The following DRAM2 variants were observed in gnomAD, a reference collection of about 807,000 sequenced individuals.
DRAM2 encodes DNA damage-regulated autophagy modulator protein 2.
A neutral mutation model predicts 33.5 loss-of-function variants in DRAM2; 26 were observed. That is an observed-to-expected ratio of 0.78 (90% CI 0.57 to 1.08). DRAM2 has a LOEUF of 1.08. DRAM2 is among the 50% of genes least tolerant of loss of function. The pLI is 0.00. For missense variants in DRAM2, 311 were observed against 318.1 expected, an observed-to-expected ratio of 0.98 and a Z score of 0.17; for synonymous variants, 98 against 109.5, an observed-to-expected ratio of 0.89 and a Z score of 0.66.
chr1:111,139,099 A>T (rs1653931999), intron 2 of DRAM2: 1 of 152,368 alleles, frequency 6.6e-6, no homozygotes, highest in Admixed American at 6.5e-5. Context: ...CCTGACAAAC[A>T]TAATATTCTC....
At chr1:111,138,507 C>G (rs894441317) in intron 2 of DRAM2, among the ~76,000 whole-genome samples, 8 of 152,156 alleles carry the variant, frequency 5.3e-5, no homozygotes, top group Non-Finnish European at 8.8e-5. Flanking sequence ...TCTTGCAGGC[C>G]GGGGGCGGTG....
At chr1:111,129,067 C>A (rs1651577502) in intron 4 of DRAM2, among the ~76,000 whole-genome samples, 1 of 152,124 alleles carries the variant, frequency 6.6e-6, no homozygotes, top group Non-Finnish European at 1.5e-5. Flanking sequence ...TTGTTTATAT[C>A]TTTTGTGCCA....
intron 6 of DRAM2, among the ~76,000 whole-genome samples, chr1:111,123,200 C>G (rs1650357425): frequency 6.6e-6 from 1 of 152,148 alleles, no homozygotes; most frequent in Non-Finnish European, 1.5e-5. Flanking sequence ...GTTGTCCACC[C>G]AAATTGTTGT....
At chr1:111,120,219 G>T (rs1472497890) in intron 7 of DRAM2, among the ~76,000 whole-genome samples, 1 of 151,464 alleles carries the variant, frequency 6.6e-6, no homozygotes, top group Admixed American at 6.6e-5. Flanking sequence ...ACTAGATAAT[G>T]GTTCTCAGAA....
At chr1:111,131,618 A>C in intron 3 of DRAM2, 50 bp from the exon 4 acceptor site, 9 of 1,591,596 alleles carry the variant, frequency 5.7e-6, no homozygotes, top group Non-Finnish European at 6.9e-6. Context: ...GAGTTTCCTC[A>C]TCCTACTTTA....
At chr1:111,138,721 T>C (rs1419849761) in intron 2 of DRAM2, among the ~76,000 whole-genome samples, 3 of 152,026 alleles carry the variant, frequency 2.0e-5, no homozygotes, top group Non-Finnish European at 2.9e-5. Context: ...GAGGCGGAGG[T>C]TGCAGAGAGC....
chr1:111,130,854 G>GA (rs1651936237), intron 4 of DRAM2, among the ~76,000 whole-genome samples: 1 of 140,268 alleles, frequency 7.1e-6, no homozygotes, highest in Admixed American at 7.1e-5. Context: ...AAAAAAAAAA[G>GA]AAATCAGCTG....
In DRAM2 at chr1:111,118,865, T is replaced by G; in HGVS notation, c.633A>C (p.Ala211=). 1 of 1,610,364 alleles carries G rather than the reference T, an allele frequency of 6.2e-7. No homozygotes were observed. The highest frequency in any genetic ancestry group is 8.5e-7 in the Non-Finnish European group (1 of 1,177,818). ...AGAAGGAAAATGACATAGACCATTC[T>G]GCTGCAGTAGTGATCATGTGAAGCA... ...GYVLHMITTA[A]EWSMSFSFFG... The change falls in exon 9 of 10, where the codon GCA becomes GCC. Residue 211 remains alanine, a synonymous_variant. Coordinates refer to ENST00000484310, the MANE Select transcript of DRAM2 (RefSeq NM_001349884.2).
chr1:111,118,929 G>A (rs1649452274), intron 8 of DRAM2, 32 bp from the exon 9 acceptor site: 7 of 1,479,092 alleles, frequency 4.7e-6, no homozygotes, highest in Non-Finnish European at 6.5e-6. Flanking sequence ...ATAGTTTTGT[G>A]AAATTTCATT....
At position 111,126,285 on chromosome 1, in the gene DRAM2, AC is replaced by A. The variant is rs746559651; in HGVS notation, c.140del (p.Gly47ValfsTer3). 6 of 1,607,270 alleles carry A rather than the reference AC, an allele frequency of 3.7e-6. No individual in the cohort carries two copies. The South Asian group carries it at 6.6e-5, about 18-fold the overall frequency. ...ATAAGCATTTTTCTGGAGCTACTGTACCAGTGTCACTGAAAGAAAAAAAGGA... is the reference window on the plus strand; with the variant it reads ...ATAAGCATTTTTCTGGAGCTACTGTACAGTGTCACTGAAAGAAAAAAAGGA... ...DPALPYISDT[G>X]TVAPEKCLFG... On this transcript the variant is annotated frameshift_variant, in exon 5 of 10. Coordinates refer to ENST00000484310, the MANE Select transcript of DRAM2 (RefSeq NM_001349884.2). LOFTEE classifies it high-confidence loss of function.
rs1186253401 is a variant in DRAM2 at position 111,118,168 on chromosome 1, C to G, written c.793G>C (p.Asp265His). ...NNERTRLLSRDI is the reference protein window; with the variant it reads ...NNERTRLLSRHI ...AATATTTTATCCTTTCATCAAATAT[C>G]TCTGGAAAGTAGCCGTGTTCGTTCA... Residue 265 changes from aspartate to histidine, a missense_variant, in exon 10 of 10, where the codon GAT (aspartate) becomes CAT (histidine). Physicochemically the swap from Asp to His is moderately conservative, Grantham distance 81. Transcript: ENST00000484310. 1 of 1,610,864 alleles carries G rather than the reference C, an allele frequency of 6.2e-7. No individual in the cohort carries two copies. The highest frequency in any genetic ancestry group is 1.7e-5 in the Admixed American group (1 of 59,962).
intron 2 of DRAM2, chr1:111,139,269 G>T (rs183703398): frequency 6.6e-6 from 1 of 152,318 alleles, no homozygotes; most frequent in Non-Finnish European, 1.5e-5. Flanking sequence ...GAACTGGAAA[G>T]ATTATTTCTA....
rs1649118165 is a variant in DRAM2, at chr1:111,117,323, G to A, written c.*837C>T. ...CTTGCCATAAATGAAAATCTAAGAAGCTCTTGAGTATGGTTATGACTTTTA... is the reference window on the plus strand; with the variant it reads ...CTTGCCATAAATGAAAATCTAAGAAACTCTTGAGTATGGTTATGACTTTTA... On this transcript the variant is annotated 3_prime_UTR_variant, in exon 10 of 10. Coordinates refer to ENST00000484310, the MANE Select transcript of DRAM2 (RefSeq NM_001349884.2). 6.6e-6 allele frequency: 1 copy of A among 152,022 alleles called. No individual in the cohort carries two copies. The highest frequency in any genetic ancestry group is 6.6e-5 in the Admixed American group (1 of 15,252). 9.4% of individuals were successfully genotyped at this position (152,022 alleles called of 1,614,324 possible).
intron 5 of DRAM2, among the ~76,000 whole-genome samples, chr1:111,125,819 A>AATCAAAACC (rs1650899285): frequency 6.6e-6 from 1 of 152,196 alleles, no homozygotes; most frequent in South Asian, 2.1e-4. Context: ...GTTGCTCAAA[A>AATCAAAACC]ATCAAAACAT....
chr1:111,128,134 C>CTTTTTTTTTTTTTTTTTT (rs35509678), intron 4 of DRAM2: 1 of 102,328 alleles, frequency 9.8e-6, no homozygotes, highest in Non-Finnish European at 2.0e-5. Context: ...TTCTTCGTTT[C>CTTTTTTTTTTTTTTTTTT]TTTTTTTTTT....
At chr1:111,120,429 G>T in intron 7 of DRAM2, 87 bp downstream of exon 7, 1 of 290,398 alleles carries the variant, frequency 3.4e-6, no homozygotes, top group Non-Finnish European at 6.1e-6. Context: ...AGACAAAAAG[G>T]CTTCTTATAC....
chr1:111,120,531 C>T lies in DRAM2; in HGVS notation c.502G>A (p.Val168Ile), dbSNP rs2101017946. The change falls in exon 7 of 10, where the codon GTA becomes ATA. Residue 168 changes from valine to isoleucine, a missense_variant. Val to Ile is a conservative substitution (Grantham distance 29). Coordinates refer to ENST00000484310, the MANE Select transcript of DRAM2 (RefSeq NM_001349884.2). ...TGAAGGATACTGCTAAGTGCACTTA[C>T]TCCACACCAGATAACCAACAACAGT... ...IRLLLVIWCG[V>I]SALSMLTCSS... is the part of the protein sequence containing the mutation. 6.2e-7 allele frequency: 1 copy of T among 1,602,826 alleles called. No homozygotes were observed. The highest frequency in any genetic ancestry group is 1.7e-5 in the Admixed American group (1 of 58,956).
intron 6 of DRAM2, among the ~76,000 whole-genome samples, chr1:111,123,535 A>T (rs1198461205): frequency 6.6e-6 from 1 of 152,122 alleles, no homozygotes; most frequent in African/African-American, 2.4e-5. Flanking sequence ...CACCATAAAT[A>T]TATCACCTCT....
intron 4 of DRAM2, among the ~76,000 whole-genome samples, chr1:111,128,577 A>C (rs1253347338): frequency 6.6e-6 from 1 of 152,210 alleles, no homozygotes; most frequent in Non-Finnish European, 1.5e-5. Context: ...AAGTCTCTTA[A>C]CATAAAATGG....
Sources: gnomAD v4.1 joint callset for allele counts (sites outside exome capture counted in the v4.1 genomes callset) on GRCh38, gnomAD v4.1.1 for gene constraint, MANE v1.5 for transcripts, NCBI Gene and HGNC (gene_info 2026-07-23, HGNC 2026-07-21) for gene names.